ARHGAP28: variants seen among roughly 807,000 people sequenced by gnomAD.
ARHGAP28 encodes the protein Rho GTPase activating protein 28, also known as rho GTPase-activating protein 28.
ARHGAP28 carries 56 observed loss-of-function variants against 90.7 expected under a neutral mutation model. That is an observed-to-expected ratio of 0.62 (90% CI 0.50 to 0.77). The LOEUF (loss-of-function observed/expected upper bound fraction) is 0.77, where lower values mean the gene tolerates loss of function less well. Among genes scored for constraint, ARHGAP28 ranks in the 30% least tolerant of loss-of-function variants. The pLI, the probability that ARHGAP28 is intolerant of heterozygous loss-of-function variation, is 0.00. For missense variants in ARHGAP28, 869 were observed against 900.9 expected (o/e 0.96, Z 0.45); for synonymous variants, 308 against 323.3 (o/e 0.95, Z 0.51).
At chr18:6,876,311 T>C in intron 10 of ARHGAP28, 103 bp downstream of exon 10, 1 of 847,478 alleles carries the variant, frequency 1.2e-6, no homozygotes, top group Non-Finnish European at 2.0e-6. Context: ...TATTAGATAT[T>C]ATCACTTGGT....
chr18:6,831,471 G>GTTTTTTT (rs57331018), intron 2 of ARHGAP28, among the ~76,000 whole-genome samples: 7 of 109,302 alleles, frequency 6.4e-5, no homozygotes, highest in African/African-American at 1.7e-4. Flanking sequence ...GTATCTTGAT[G>GTTTTTTT]TTTTTTTTTT....
At chr18:6,757,868 T>C (rs1213851398) in intron 1 of ARHGAP28, among the ~76,000 whole-genome samples, 1 of 151,462 alleles carries the variant, frequency 6.6e-6, no homozygotes, top group Non-Finnish European at 1.5e-5. Flanking sequence ...CAAGCAGGAG[T>C]ATGGATCAAG....
chr18:6,915,098 T>C lies in ARHGAP28; in HGVS notation c.*2944T>C, dbSNP rs1283687684. 1 of 152,354 alleles carries C rather than the reference T, an allele frequency of 6.6e-6. No homozygotes were observed. Among genetic ancestry groups the C allele is most frequent in the African/African-American group, 2.4e-5 (1 of 41,474 alleles). The allele number at this position is 152,354 out of a possible 1,614,324, so 9.4% of individuals were successfully genotyped here. ...AATATACATTTAATGATGAAAAATATTTTCAGCAAAGCTTTAAAACCAGAA... is the reference window on the plus strand; with the variant it reads ...AATATACATTTAATGATGAAAAATACTTTCAGCAAAGCTTTAAAACCAGAA... On this transcript the variant is annotated 3_prime_UTR_variant, in exon 18 of 18. Coordinates refer to ENST00000383472, the MANE Select transcript of ARHGAP28 (RefSeq NM_001366230.1).
In ARHGAP28 at chr18:6,841,167, CCTCTCT is replaced by C. The variant is rs776937358; in HGVS notation, c.543+3761_543+3766del. 1.3e-4 allele frequency among the ~76,000 whole-genome samples: 10 copies of C among 79,994 alleles called. No homozygotes were observed. In the East Asian group the frequency reaches 1.3e-3, roughly 10 times the overall value. The allele number at this position is 79,994 out of a possible 152,430, so 52.5% of individuals were successfully genotyped here. ...CTGTCTCTCTCCTCTTTCTCTCTCT[CCTCTCT>C]CTCTCTCCTCTCTCTCTCTCTCTCT... On this transcript the variant is annotated intron_variant, in intron 3 of 17. Transcript: ENST00000383472.
At chr18:6,808,760 T>G (rs1293580498) in intron 1 of ARHGAP28, among the ~76,000 whole-genome samples, 1 of 152,220 alleles carries the variant, frequency 6.6e-6, no homozygotes, top group Non-Finnish European at 1.5e-5. Flanking sequence ...CCACTTGATA[T>G]ATATATTTTT....
At chr18:6,839,578 T>C (rs111356719) in intron 3 of ARHGAP28, among the ~76,000 whole-genome samples, 11,003 of 152,250 alleles carry the variant, frequency 0.072, 863 homozygotes, top group African/African-American at 0.2. Context: ...ATTACAGGCG[T>C]GAGCCACTGC....
intron 6 of ARHGAP28, among the ~76,000 whole-genome samples, chr18:6,870,289 T>G (rs1435538439): frequency 2.0e-5 from 3 of 152,220 alleles, no homozygotes; most frequent in African/African-American, 7.2e-5. Flanking sequence ...TACCCTATTT[T>G]GGACTTTCTT....
intron 10 of ARHGAP28, among the ~76,000 whole-genome samples, chr18:6,880,798 T>C (rs543211899): frequency 3.3e-5 from 5 of 152,320 alleles, no homozygotes; most frequent in Admixed American, 6.5e-5. Flanking sequence ...TCTTATAGCA[T>C]GTGCACTCTA....
chr18:6,752,802 A>G (rs1368574679), intron 1 of ARHGAP28, among the ~76,000 whole-genome samples: 1 of 152,074 alleles, frequency 6.6e-6, no homozygotes, highest in Non-Finnish European at 1.5e-5. Context: ...CTCTCTGACC[A>G]CCCCTGGTCA....
At chr18:6,735,425 G>A (rs936573320) in intron 1 of ARHGAP28, among the ~76,000 whole-genome samples, 14 of 152,142 alleles carry the variant, frequency 9.2e-5, no homozygotes, top group African/African-American at 3.4e-4. Context: ...TGTATCTCCC[G>A]AGTCTCCTGC....
At chr18:6,778,587 G>T (rs2056302073) in intron 1 of ARHGAP28, among the ~76,000 whole-genome samples, 1 of 152,156 alleles carries the variant, frequency 6.6e-6, no homozygotes, top group African/African-American at 2.4e-5. Context: ...CAGACCAGTG[G>T]CAAACCCTCT....
chr18:6,788,638 A>C (rs1292306213), intron 1 of ARHGAP28: 1 of 150,850 alleles, frequency 6.6e-6, no homozygotes, highest in Admixed American at 6.6e-5. Flanking sequence ...ATTTTTTTGT[A>C]TTTTTTTTAG....
chr18:6,835,338 C>T (rs1437158545), intron 2 of ARHGAP28, among the ~76,000 whole-genome samples: 1 of 152,142 alleles, frequency 6.6e-6, no homozygotes, highest in Non-Finnish European at 1.5e-5. Flanking sequence ...TAAGGAAGAG[C>T]TCCATGTCAT....
chr18:6,824,765 A>G lies in ARHGAP28; in HGVS notation c.126A>G (p.Lys42=). Residue 42 remains lysine, a synonymous_variant, in exon 2 of 18, where the codon AAA becomes AAG. Transcript: ENST00000383472. ...ATAGATATTATTCTTTCCTCAGAAA[A>G]TCCATTCCTCGCTGCCGAAGAATTA... ...RAAASHPLSR[K]SIPRCRRINR... is the part of the protein sequence containing the mutation. The G allele has an allele frequency of 6.5e-7, 1 of 1,534,060 alleles. No individual in the cohort carries two copies. The highest frequency in any genetic ancestry group is 8.7e-7 in the Non-Finnish European group (1 of 1,146,380).
At chr18:6,879,415 G>T (rs2057159679) in intron 10 of ARHGAP28, among the ~76,000 whole-genome samples, 1 of 152,136 alleles carries the variant, frequency 6.6e-6, no homozygotes, top group Non-Finnish European at 1.5e-5. Flanking sequence ...GCTGAAGGGA[G>T]ATTTAATGAC....
At position 6,861,145 on chromosome 18, in the gene ARHGAP28, G is replaced by T. The variant is rs914164609; in HGVS notation, c.726+1248G>T. ...TGTGACTGGGGACTCGTGCCCTGAG[G>T]ACTTGCCCAGGATCCTTTATCTTCC... On this transcript the variant is annotated intron_variant, in intron 5 of 17. Coordinates refer to ENST00000383472, the MANE Select transcript of ARHGAP28 (RefSeq NM_001366230.1). Among the ~76,000 whole-genome samples, 12 of 152,326 alleles carry T rather than the reference G, an allele frequency of 7.9e-5. 2 individuals carry two copies. The highest frequency in any genetic ancestry group is 2.0e-4 in the Admixed American group (3 of 15,304).
intron 2 of ARHGAP28, among the ~76,000 whole-genome samples, chr18:6,826,569 AT>A (rs1209191717): frequency 2.7e-5 from 4 of 150,892 alleles, no homozygotes; most frequent in African/African-American, 9.7e-5. Flanking sequence ...GGCTTGCAAA[AT>A]TCCTGAGCAT....
intron 5 of ARHGAP28, among the ~76,000 whole-genome samples, chr18:6,862,984 G>T (rs2057010055): frequency 6.6e-6 from 1 of 151,990 alleles, no homozygotes; most frequent in South Asian, 2.1e-4. Flanking sequence ...TTTCTTATAA[G>T]TGTCTCCTTT....
Position 6,795,820 on chromosome 18 carries a change from A to G in ARHGAP28, c.123-28942A>G, listed in dbSNP as rs188698018. ...TCCCATTTGCAGAAAGAGTCACCAGATATTTAGAGGCTGGGCTTCCCTAAG... is the reference window on the plus strand; with the variant it reads ...TCCCATTTGCAGAAAGAGTCACCAGGTATTTAGAGGCTGGGCTTCCCTAAG... On this transcript the variant is annotated intron_variant, in intron 1 of 17. Transcript: ENST00000383472. Among the ~76,000 whole-genome samples, 266 of 152,282 alleles carry G rather than the reference A, an allele frequency of 1.7e-3. 6 individuals carry two copies. Among genetic ancestry groups the G allele is most frequent in the Admixed American group, 0.014 (212 of 15,300 alleles).
Sources: gnomAD v4.1 joint callset for allele counts (sites outside exome capture counted in the v4.1 genomes callset) on GRCh38, gnomAD v4.1.1 for gene constraint, MANE v1.5 for transcripts, NCBI Gene and HGNC (gene_info 2026-07-23, HGNC 2026-07-21) for gene names.